The following MAP3K3 variants were observed in gnomAD, a reference collection of about 807,000 sequenced individuals.
MAP3K3 encodes mitogen-activated protein kinase kinase kinase 3, also known as MAP/ERK kinase kinase 3.
A neutral mutation model predicts 80.9 loss-of-function variants in MAP3K3; 12 were observed. The ratio of observed to expected loss-of-function variants is 0.15; its 90% CI spans 0.10 to 0.24. MAP3K3 has a LOEUF of 0.24. MAP3K3 is among the 10% of genes least tolerant of loss of function. The pLI is 1.00. For synonymous variants in MAP3K3, 272 were observed against 307.1 expected, an observed-to-expected ratio of 0.89 and a Z score of 1.19; for missense variants, 596 against 834.7, an observed-to-expected ratio of 0.71 and a Z score of 3.52.
intron 5 of MAP3K3, among the ~76,000 whole-genome samples, chr17:63,664,807 A>C (rs2034967530): frequency 6.6e-6 from 1 of 152,162 alleles, no homozygotes; most frequent in Non-Finnish European, 1.5e-5. Context: ...TCTCAGGCAT[A>C]GTCCCACCTT....
intron 2 of MAP3K3, among the ~76,000 whole-genome samples, chr17:63,642,354 A>G (rs571595360): frequency 2.0e-5 from 3 of 152,156 alleles, no homozygotes; most frequent in Non-Finnish European, 2.9e-5. Flanking sequence ...CTTCATTAGT[A>G]TATCTAAATA....
chr17:63,648,146 A>G (rs1251950750), intron 3 of MAP3K3, among the ~76,000 whole-genome samples: 1 of 152,232 alleles, frequency 6.6e-6, no homozygotes, highest in Non-Finnish European at 1.5e-5. Flanking sequence ...AATGCCTGTT[A>G]TTCAATAGGA....
At chr17:63,627,526 T>G (rs2034126392) in intron 1 of MAP3K3, among the ~76,000 whole-genome samples, 1 of 151,592 alleles carries the variant, frequency 6.6e-6, no homozygotes, top group Admixed American at 6.6e-5. Context: ...CACTGCAACC[T>G]CTGCCTCCCG....
Position 63,689,018 on chromosome 17 carries a change from A to C in MAP3K3, c.871+137A>C. The C allele has an allele frequency of 1.5e-6, 1 of 652,666 alleles. No individual in the cohort carries two copies. The highest frequency in any genetic ancestry group is 2.7e-6 in the Non-Finnish European group (1 of 370,658). 40.4% of individuals were successfully genotyped at this position (652,666 alleles called of 1,614,324 possible). A position where few individuals can be genotyped will look rare whatever the true frequency, so the allele number is the denominator to read the frequency against. ...TTGTGGCCCAGACTTGAGGCATGGG[A>C]GACAGGAAAAAAACAAAAACAAAAA... On this transcript the variant is annotated intron_variant, in intron 10 of 15. Transcript: ENST00000361733. This position sits in a 1 kb window ranked among gnomAD's most constrained non-coding sequence, Gnocchi z 4.3.
At chr17:63,630,970 C>T (rs1449097348) in intron 1 of MAP3K3, among the ~76,000 whole-genome samples, 1 of 152,054 alleles carries the variant, frequency 6.6e-6, no homozygotes, top group African/African-American at 2.4e-5. Context: ...GAGCAGATTT[C>T]GTCTAGGAAG....
At chr17:63,654,013 C>T (rs2034712946) in intron 4 of MAP3K3, among the ~76,000 whole-genome samples, 1 of 152,112 alleles carries the variant, frequency 6.6e-6, no homozygotes, top group Admixed American at 6.6e-5. Flanking sequence ...ACTACAGGCA[C>T]ACACCATCAC....
chr17:63,688,668 T>C lies in MAP3K3; in HGVS notation c.778+74T>C, dbSNP rs2035514878. On this transcript the variant is annotated intron_variant, in intron 9 of 15. Coordinates refer to ENST00000361733, the MANE Select transcript of MAP3K3 (RefSeq NM_002401.5). The stretch of plus-strand genomic sequence containing the variant: ...CCTCAGGTGGCTCTGCTTCGACTTT[T>C]CTGAGTCAGTAGCTCTCCTTGGGCT... 8 of 1,476,226 alleles carry C rather than the reference T, an allele frequency of 5.4e-6. 1 individual carries two copies. The South Asian group carries it at 7.9e-5, about 15-fold the overall frequency. 91.4% of individuals were successfully genotyped at this position (1,476,226 alleles called of 1,614,324 possible).
At position 63,693,466 on chromosome 17, in the gene MAP3K3, A is replaced by T; in HGVS notation, c.1653-83A>T. The T allele has an allele frequency of 8.1e-7, 1 of 1,236,264 alleles. No individual in the cohort carries two copies. The highest frequency in any genetic ancestry group is 1.1e-6 in the Non-Finnish European group (1 of 873,364). 76.6% of individuals were successfully genotyped at this position (1,236,264 alleles called of 1,614,324 possible). On this transcript the variant is annotated intron_variant, in intron 15 of 15. Coordinates refer to ENST00000361733, the MANE Select transcript of MAP3K3 (RefSeq NM_002401.5). The surrounding 1 kb of genome is among the most constrained non-coding windows in gnomAD (Gnocchi z 4.2). ...CCTGCACCTCAGCTTGCTGTGAGAA[A>T]GGCGCCTCTTTCTGCAGTGGTGGGC...
intron 2 of MAP3K3, among the ~76,000 whole-genome samples, chr17:63,642,722 T>C (rs2034467158): frequency 6.6e-6 from 1 of 152,124 alleles, no homozygotes; most frequent in Non-Finnish European, 1.5e-5. Context: ...TGTGTGTGTG[T>C]GTTTTTAACC....
At chr17:63,657,414 C>G (rs373977573) in intron 4 of MAP3K3, among the ~76,000 whole-genome samples, 1 of 151,956 alleles carries the variant, frequency 6.6e-6, no homozygotes, top group Non-Finnish European at 1.5e-5. Flanking sequence ...TTGTATGAGT[C>G]TAAATGGAAT....
At chr17:63,670,915 A>G (rs1051868286) in intron 6 of MAP3K3, among the ~76,000 whole-genome samples, 1 of 152,128 alleles carries the variant, frequency 6.6e-6, no homozygotes, top group Non-Finnish European at 1.5e-5. Flanking sequence ...CATTGCATGG[A>G]AAGTAGTGAA....
chr17:63,650,656 TATAGAGAGAGAGAG>T, intron 3 of MAP3K3, among the ~76,000 whole-genome samples: 1 of 122,156 alleles, frequency 8.2e-6, no homozygotes, highest in African/African-American at 3.8e-5. Flanking sequence ...CTCTGTCTCT[TATAGAGAGAGAGAG>T]AGAGAGAGAG....
intron 4 of MAP3K3, 89 bp from the exon 5 acceptor site, chr17:63,657,705 A>C: frequency 1.7e-6 from 1 of 580,484 alleles, no homozygotes; most frequent in Non-Finnish European, 3.1e-6. Flanking sequence ...ATGTATTTTT[A>C]TTTTTTGTTT....
chr17:63,679,175 A>G (rs1314047022), intron 6 of MAP3K3, among the ~76,000 whole-genome samples: 3 of 152,218 alleles, frequency 2.0e-5, no homozygotes, highest in African/African-American at 7.2e-5. Context: ...CCAAGGCTTG[A>G]GACCAGCCTA....
At chr17:63,633,087 G>T (rs932374023) in intron 2 of MAP3K3, among the ~76,000 whole-genome samples, 1 of 152,052 alleles carries the variant, frequency 6.6e-6, no homozygotes, top group Non-Finnish European at 1.5e-5. Flanking sequence ...AATTAGCCAG[G>T]TGTGGTGGTC....
At chr17:63,638,021 G>T (rs918440663) in intron 2 of MAP3K3, among the ~76,000 whole-genome samples, 13 of 152,162 alleles carry the variant, frequency 8.5e-5, no homozygotes, top group African/African-American at 3.1e-4. Context: ...TTTGCTTTCA[G>T]TGTGAAAGAC....
At chr17:63,670,263 G>T (rs184416121) in intron 6 of MAP3K3, among the ~76,000 whole-genome samples, 37 of 151,960 alleles carry the variant, frequency 2.4e-4, no homozygotes, top group Admixed American at 2.1e-3. Flanking sequence ...GTGACTGAAA[G>T]GTGTGTGGTG....
chr17:63,693,940 G>A lies in MAP3K3; in HGVS notation c.*163G>A, dbSNP rs1452418754. 1.5e-5 allele frequency: 9 copies of A among 586,424 alleles called. No homozygotes were observed. The highest frequency in any genetic ancestry group is 6.4e-5 in the East Asian group (2 of 31,160). 36.3% of individuals were successfully genotyped at this position (586,424 alleles called of 1,614,324 possible). On this transcript the variant is annotated 3_prime_UTR_variant, in exon 16 of 16. Coordinates refer to ENST00000361733, the MANE Select transcript of MAP3K3 (RefSeq NM_002401.5). The surrounding 1 kb of genome is among the most constrained non-coding windows in gnomAD (Gnocchi z 4.2). ...CCTTCCGCCACTGGGGCTCAGAGCC[G>A]GGGTGGGGTGGCTGCAGCCTCAGGA...
intron 6 of MAP3K3, among the ~76,000 whole-genome samples, chr17:63,672,407 G>C (rs1169751173): frequency 1.3e-5 from 2 of 152,120 alleles, no homozygotes; most frequent in African/African-American, 2.4e-5. Context: ...AGGAATACTG[G>C]AAGAGAGCCT....
Sources: allele counts gnomAD v4.1 joint callset (sites outside exome capture counted in the v4.1 genomes callset), GRCh38; gene constraint gnomAD v4.1.1; non-coding constraint Gnocchi (gnomAD v3.1); transcripts MANE v1.5; gene names NCBI Gene and HGNC (gene_info 2026-07-23, HGNC 2026-07-21).